CDK13: variants seen among roughly 807,000 people sequenced by gnomAD.
CDK13 encodes cyclin-dependent kinase 13.
Under a neutral mutation model 137.6 loss-of-function variants are expected in CDK13, and 40 were observed. That is an observed-to-expected ratio of 0.29 (90% CI 0.23 to 0.38). The LOEUF is 0.38. Among genes scored for constraint, CDK13 ranks in the 10% least tolerant of loss-of-function variants. The probability of loss-of-function intolerance (pLI) is 1.00; values close to 1 mark genes in which losing one functional copy is unlikely to be tolerated. For missense variants in CDK13, 1,704 were observed against 1,951.8 expected (o/e 0.87, Z 2.39); for synonymous variants, 869 against 760.1 (o/e 1.14, Z -2.36).
intron 1 of CDK13, among the ~76,000 whole-genome samples, chr7:39,970,902 A>G (rs1783983556): frequency 6.6e-6 from 1 of 152,212 alleles, no homozygotes; most frequent in African/African-American, 2.4e-5. Context: ...CCAACTTTCC[A>G]TGTAGTATCA....
intron 9 of CDK13, among the ~76,000 whole-genome samples, chr7:40,075,243 T>C (rs913184972): frequency 6.6e-6 from 1 of 152,160 alleles, no homozygotes; most frequent in Non-Finnish European, 1.5e-5. Context: ...GTATGATGCA[T>C]CTCAGTAGTA....
intron 5 of CDK13, among the ~76,000 whole-genome samples, chr7:40,024,942 G>C (rs1476280087): frequency 6.6e-6 from 1 of 152,154 alleles, no homozygotes; most frequent in East Asian, 1.9e-4. Flanking sequence ...GGGATTACAA[G>C]TGTGAGCCAC....
intron 2 of CDK13, among the ~76,000 whole-genome samples, chr7:39,992,259 G>A (rs932452626): frequency 6.6e-6 from 1 of 151,616 alleles, no homozygotes; most frequent in East Asian, 2.0e-4. Context: ...ATGCAGTGGC[G>A]CCATCTAGGC....
intron 2 of CDK13, 26 bp from the exon 3 acceptor site, chr7:39,997,464 TTTTA>T (rs773596260): frequency 1.9e-6 from 3 of 1,578,042 alleles, no homozygotes; most frequent in Non-Finnish European, 2.6e-6. Context: ...AAAATTTTTG[TTTTA>T]TTTGTCTGAC....
intron 1 of CDK13, among the ~76,000 whole-genome samples, chr7:39,969,671 AT>A (rs370071449): frequency 0.033 from 4,710 of 144,618 alleles, 231 homozygotes; most frequent in African/African-American, 0.11. Context: ...AATAAGACTT[AT>A]TTTTTTTTTT....
intron 5 of CDK13, among the ~76,000 whole-genome samples, chr7:40,042,080 G>A (rs1383769093): frequency 6.6e-6 from 1 of 151,884 alleles, no homozygotes; most frequent in Non-Finnish European, 1.5e-5. Context: ...GTATTTTTTT[G>A]TATTGATTCT....
intron 9 of CDK13, among the ~76,000 whole-genome samples, chr7:40,076,814 C>T (rs1007096686): frequency 1.3e-5 from 2 of 152,116 alleles, no homozygotes; most frequent in Non-Finnish European, 2.9e-5. Context: ...TTTATACATG[C>T]ATTTGTATTT....
chr7:39,951,110 C>G lies in CDK13; in HGVS notation c.469C>G (p.Leu157Val), dbSNP rs1245716839. The G allele has an allele frequency of 1.6e-6, 2 of 1,248,896 alleles. No individual in the cohort carries two copies. Among genetic ancestry groups the G allele is most frequent in the Non-Finnish European group, 2.0e-6 (2 of 997,878 alleles). The allele number at this position is 1,248,896 out of a possible 1,614,324, so 77.4% of individuals were successfully genotyped here. ...TGTGAGCTCCCAGTCCGAGCAGGGG[C>G]TGCTGCTGGGGGGGGCCAGCGCGGC... is the stretch of plus-strand genomic sequence containing the variant. ...EDVSSQSEQG[L>V]LLGGASAATA... Residue 157 changes from leucine to valine, a missense_variant, in exon 1 of 14, where the codon CTG becomes GTG. This residue lies in a region of CDK13 where 1,051 missense variants were observed against 931.0 expected (regional missense o/e 1.13). Coordinates refer to ENST00000181839, the MANE Select transcript of CDK13 (RefSeq NM_003718.5).
intron 1 of CDK13, among the ~76,000 whole-genome samples, chr7:39,976,323 T>TCTCTCTCTCTCTCTCACACACACACACA: frequency 4.8e-4 from 19 of 39,578 alleles, no homozygotes; most frequent in Non-Finnish European, 8.2e-4. Context: ...TCTCTCTCTC[T>TCTCTCTCTCTCTCTCACACACACACACA]CACACACACA....
chr7:39,981,356 G>A (rs933186149), intron 1 of CDK13, among the ~76,000 whole-genome samples: 3 of 149,840 alleles, frequency 2.0e-5, no homozygotes, highest in African/African-American at 5.0e-5. Context: ...GCGAAAAAGT[G>A]AGAGACCCTG....
At chr7:40,065,047 G>A (rs1442714768) in intron 9 of CDK13, among the ~76,000 whole-genome samples, 1 of 133,570 alleles carries the variant, frequency 7.5e-6, no homozygotes, top group Non-Finnish European at 1.5e-5. Context: ...GGACTCAAGC[G>A]ATCATCCTGT....
chr7:39,996,961 CAAAAA>C (rs72210233), intron 2 of CDK13, among the ~76,000 whole-genome samples: 1 of 83,242 alleles, frequency 1.2e-5, no homozygotes. Context: ...GATTCCATCT[CAAAAA>C]AAAAAAAAAA....
chr7:40,043,635 T>G (rs370999748), intron 5 of CDK13, among the ~76,000 whole-genome samples: 1 of 151,886 alleles, frequency 6.6e-6, no homozygotes, highest in African/African-American at 2.4e-5. Flanking sequence ...CTGGGTAACA[T>G]AGAGAGACCC....
At chr7:40,064,393 T>A (rs761989854) in intron 9 of CDK13, among the ~76,000 whole-genome samples, 33 of 152,152 alleles carry the variant, frequency 2.2e-4, no homozygotes, top group Admixed American at 7.2e-4. Flanking sequence ...TGAAGTTTTT[T>A]AGGAAAGATA....
chr7:40,093,680 A>G (rs1413425745), intron 13 of CDK13, among the ~76,000 whole-genome samples: 1 of 152,102 alleles, frequency 6.6e-6, no homozygotes, highest in Non-Finnish European at 1.5e-5. Context: ...TGAAGTGGGA[A>G]GATTGCCTGA....
At chr7:40,001,772 C>T in intron 4 of CDK13, 89 bp from the exon 5 acceptor site, 1 of 836,562 alleles carries the variant, frequency 1.2e-6, no homozygotes, top group East Asian at 2.5e-5. Flanking sequence ...GAAATAAGAA[C>T]AGAATTGAAT....
At position 40,014,616 on chromosome 7, in the gene CDK13, G is replaced by A. The variant is rs528024004; in HGVS notation, c.2353+12585G>A. On this transcript the variant is annotated intron_variant, in intron 5 of 13. Transcript: ENST00000181839. ...ATGACAGGCACATTCCAGCACACCTGGCTCATTTTTGTAATTTTTTGTAGA... is the reference window on the plus strand; with the variant it reads ...ATGACAGGCACATTCCAGCACACCTAGCTCATTTTTGTAATTTTTTGTAGA... 3.0e-4 allele frequency among the ~76,000 whole-genome samples: 45 copies of A among 151,934 alleles called. 1 individual carries two copies. In the South Asian group the frequency reaches 9.4e-3, roughly 32 times the overall value.
At chr7:40,012,369 T>G (rs1199206506) in intron 5 of CDK13, among the ~76,000 whole-genome samples, 1 of 151,312 alleles carries the variant, frequency 6.6e-6, no homozygotes, top group Non-Finnish European at 1.5e-5. Context: ...GAGGCCAAGG[T>G]GGGAGGATAA....
chr7:40,066,469 C>G (rs1334887301), intron 9 of CDK13, among the ~76,000 whole-genome samples: 1 of 152,110 alleles, frequency 6.6e-6, no homozygotes, highest in African/African-American at 2.4e-5. Context: ...ATGTATTTAT[C>G]CCACCAGTTG....
Sources: gnomAD v4.1 joint callset for allele counts (sites outside exome capture counted in the v4.1 genomes callset) on GRCh38, gnomAD v4.1.1 for gene constraint, gnomAD v4.1.1 regional missense constraint, MANE v1.5 for transcripts, NCBI Gene and HGNC (gene_info 2026-07-23, HGNC 2026-07-21) for gene names.